Variants in POU2F1 observed in about 807,000 individuals in gnomAD.
The protein encoded by POU2F1 is POU domain, class 2, transcription factor 1.
Under a neutral mutation model 84.9 loss-of-function variants are expected in POU2F1, and 16 were observed. The observed-to-expected ratio is 0.19, with a 90% CI of 0.13 to 0.29. The LOEUF (loss-of-function observed/expected upper bound fraction) is 0.29, where lower values mean the gene tolerates loss of function less well. POU2F1 is among the 10% of genes least tolerant of loss of function. POU2F1 has a pLI of 1.00. For missense variants in POU2F1, 738 were observed against 942.6 expected, an observed-to-expected ratio of 0.78 and a Z score of 2.84; for synonymous variants, 368 against 368.3, an observed-to-expected ratio of 1.00 and a Z score of 0.01.
At chr1:167,242,963 G>T (rs763325142) in intron 1 of POU2F1, among the ~76,000 whole-genome samples, 1 of 141,600 alleles carries the variant, frequency 7.1e-6, no homozygotes, top group Non-Finnish European at 1.5e-5. Flanking sequence ...TCTCTCCCCC[G>T]CTTTCTTTCT....
chr1:167,232,304 A>G (rs559695832), intron 1 of POU2F1, among the ~76,000 whole-genome samples: 2 of 152,356 alleles, frequency 1.3e-5, no homozygotes, highest in African/African-American at 4.8e-5. Context: ...AGATTATAAC[A>G]GAACTGAAAC....
chr1:167,318,746 A>G (rs1478427083), intron 1 of POU2F1, among the ~76,000 whole-genome samples: 1 of 152,170 alleles, frequency 6.6e-6, no homozygotes, highest in African/African-American at 2.4e-5. Flanking sequence ...AATATTCATA[A>G]CAGTTCTTTT....
intron 2 of POU2F1, chr1:167,338,093 C>T: frequency 2.2e-6 from 1 of 456,514 alleles, no homozygotes; most frequent in South Asian, 1.6e-5. Flanking sequence ...AGTGTATTTC[C>T]ATAAAGTTAC....
chr1:167,369,766 C>A (rs548735099), intron 3 of POU2F1, among the ~76,000 whole-genome samples: 9 of 152,150 alleles, frequency 5.9e-5, no homozygotes, highest in African/African-American at 2.2e-4. Flanking sequence ...CTGATTGTTT[C>A]TAATAATAAA....
intron 13 of POU2F1, among the ~76,000 whole-genome samples, chr1:167,405,806 T>C (rs1029503691): frequency 6.6e-6 from 1 of 152,232 alleles, no homozygotes; most frequent in Non-Finnish European, 1.5e-5. Context: ...ATCCTTTTTA[T>C]GTACACATGG....
At chr1:167,264,924 C>T (rs975603603) in intron 1 of POU2F1, among the ~76,000 whole-genome samples, 4 of 152,102 alleles carry the variant, frequency 2.6e-5, no homozygotes, top group Non-Finnish European at 2.9e-5. Flanking sequence ...CTTGCTGTCT[C>T]GTTTGCCTAG....
chr1:167,358,511 A>G (rs1163429025), intron 2 of POU2F1, among the ~76,000 whole-genome samples: 1 of 151,898 alleles, frequency 6.6e-6, no homozygotes, highest in African/African-American at 2.4e-5. Context: ...GGTAAAATCA[A>G]CAAGGCTTTT....
intron 1 of POU2F1, among the ~76,000 whole-genome samples, chr1:167,239,241 A>C (rs1032870336): frequency 6.6e-6 from 1 of 152,252 alleles, no homozygotes; most frequent in African/African-American, 2.4e-5. Context: ...GAAAAAGAAC[A>C]CTAGATTAAA....
intron 1 of POU2F1, among the ~76,000 whole-genome samples, chr1:167,244,091 G>A (rs1230378185): frequency 6.6e-6 from 1 of 152,144 alleles, no homozygotes; most frequent in South Asian, 2.1e-4. Context: ...GGTCCTTCCT[G>A]TAGTAAAAGG....
At chr1:167,288,264 TTC>T (rs1653673688) in intron 1 of POU2F1, among the ~76,000 whole-genome samples, 3 of 151,160 alleles carry the variant, frequency 2.0e-5, no homozygotes, top group African/African-American at 7.4e-5. Flanking sequence ...AGATATATTA[TTC>T]ACCAGTTTTC....
At chr1:167,401,266 T>C (rs575264595) in intron 12 of POU2F1, among the ~76,000 whole-genome samples, 185 bp from the exon 13 acceptor site, 2 of 152,296 alleles carry the variant, frequency 1.3e-5, no homozygotes, top group South Asian at 4.1e-4. Context: ...AACTTTTTAT[T>C]ATTTATTTTT....
intron 2 of POU2F1, among the ~76,000 whole-genome samples, chr1:167,359,123 T>G (rs1260825470): frequency 1.3e-5 from 2 of 152,034 alleles, no homozygotes; most frequent in African/African-American, 4.8e-5. Flanking sequence ...TACCATTTAA[T>G]AGTATTAAAC....
chr1:167,367,721 A>G (rs958306384), intron 3 of POU2F1, among the ~76,000 whole-genome samples: 1 of 152,124 alleles, frequency 6.6e-6, no homozygotes, highest in Non-Finnish European at 1.5e-5. Context: ...ATATGTGTAT[A>G]TGTATGTATG....
intron 1 of POU2F1, among the ~76,000 whole-genome samples, chr1:167,256,159 G>A (rs1651118989): frequency 6.6e-6 from 1 of 152,152 alleles, no homozygotes; most frequent in Non-Finnish European, 1.5e-5. Context: ...GGCTGATGAA[G>A]GATGAGAGTG....
Position 167,415,628 on chromosome 1 carries a change from C to G in POU2F1, c.2119C>G (p.Leu707Val). 6.2e-7 allele frequency: 1 copy of G among 1,614,238 alleles called. No homozygotes were observed. The highest frequency in any genetic ancestry group is 8.5e-7 in the Non-Finnish European group (1 of 1,180,042). Residue 707 changes from leucine to valine, a missense_variant, in exon 16 of 16, where the codon CTG becomes GTG. Coordinates refer to ENST00000367866, the MANE Select transcript of POU2F1 (RefSeq NM_002697.4). ...GTTCCTGAACCCTCAGAACCTCTCT[C>G]TGCTCACCAGCAACCCTGTTAGCTT... ...PLFLNPQNLS[L>V]LTSNPVSLVS...
chr1:167,295,525 G>T (rs1031941990), intron 1 of POU2F1, among the ~76,000 whole-genome samples: 1 of 152,144 alleles, frequency 6.6e-6, no homozygotes, highest in Non-Finnish European at 1.5e-5. Context: ...GGAGACAGAC[G>T]TGGGAAGAGA....
intron 1 of POU2F1, among the ~76,000 whole-genome samples, chr1:167,260,979 G>A (rs1651522800): frequency 6.6e-6 from 1 of 152,132 alleles, no homozygotes. Context: ...GAAGCCCAGA[G>A]GAAACTTAAT....
intron 3 of POU2F1, among the ~76,000 whole-genome samples, chr1:167,366,290 T>C (rs1659682196): frequency 6.6e-6 from 1 of 152,234 alleles, no homozygotes; most frequent in South Asian, 2.1e-4. Flanking sequence ...CACAATTATA[T>C]ATTAGACCAA....
chr1:167,239,518 G>A (rs1235018778), intron 1 of POU2F1, among the ~76,000 whole-genome samples: 1 of 152,122 alleles, frequency 6.6e-6, no homozygotes, highest in South Asian at 2.1e-4. Context: ...CTGCTTTAGT[G>A]GCTTAATGGT....
Sources: gnomAD v4.1 joint callset for allele counts (sites outside exome capture counted in the v4.1 genomes callset) on GRCh38, gnomAD v4.1.1 for gene constraint, MANE v1.5 for transcripts, NCBI Gene and HGNC (gene_info 2026-07-23, HGNC 2026-07-21) for gene names.